Variants in ATP2C1 observed in about 807,000 individuals in gnomAD.
ATP2C1 encodes calcium-transporting ATPase type 2C member 1.
Under a neutral mutation model 120.5 loss-of-function variants are expected in ATP2C1, and 31 were observed. The observed-to-expected ratio is 0.26, with a 90% CI of 0.19 to 0.35. The LOEUF (loss-of-function observed/expected upper bound fraction) is 0.35. Ranked by LOEUF, ATP2C1 falls within the 10% of genes least tolerant of loss-of-function variation. ATP2C1 has a pLI of 1.00. For missense variants in ATP2C1, 731 were observed against 1,107.5 expected (o/e 0.66, Z 4.83); for synonymous variants, 351 against 358.7 (o/e 0.98, Z 0.24).
chr3:130,948,953 G>A (rs1403181552), intron 8 of ATP2C1, among the ~76,000 whole-genome samples: 2 of 152,112 alleles, frequency 1.3e-5, no homozygotes, highest in Non-Finnish European at 2.9e-5. Context: ...ATGAGTAAAT[G>A]TTGCGTGTTT....
chr3:130,883,931 CTTTT>C (rs1553747708), intron 1 of ATP2C1, among the ~76,000 whole-genome samples: 2 of 135,750 alleles, frequency 1.5e-5, no homozygotes, highest in Admixed American at 1.6e-4. Flanking sequence ...TTCTTTCTTT[CTTTT>C]TCTTTTCTTC....
chr3:130,932,995 A>T (rs548121164), intron 4 of ATP2C1, among the ~76,000 whole-genome samples: 2 of 152,286 alleles, frequency 1.3e-5, no homozygotes, highest in East Asian at 3.9e-4. Context: ...TATTATTTAT[A>T]TGTGTCTTTG....
At chr3:130,998,935 C>T (rs1002594574) in intron 26 of ATP2C1, among the ~76,000 whole-genome samples, 1 of 152,096 alleles carries the variant, frequency 6.6e-6, no homozygotes, top group African/African-American at 2.4e-5. Context: ...TTTTTTAGAG[C>T]ATATTGTCCT....
At chr3:130,915,843 G>T (rs1419064840) in intron 2 of ATP2C1, among the ~76,000 whole-genome samples, 1 of 152,182 alleles carries the variant, frequency 6.6e-6, no homozygotes, top group Non-Finnish European at 1.5e-5. Flanking sequence ...CACTTCAGTA[G>T]TGTGGTTTTA....
chr3:130,963,807 G>A, intron 12 of ATP2C1, 164 bp from the exon 13 acceptor site: 2 of 766,962 alleles, frequency 2.6e-6, no homozygotes, highest in South Asian at 1.7e-5. Flanking sequence ...CAGCTACTAG[G>A]TATCCAGTAA....
chr3:130,872,587 CT>C (rs565024538), intron 1 of ATP2C1, among the ~76,000 whole-genome samples: 380 of 140,538 alleles, frequency 2.7e-3, no homozygotes, highest in Non-Finnish European at 2.8e-3. Context: ...CTTTTCTTTT[CT>C]TTTTTTTTTT....
At position 131,003,082 on chromosome 3, in the gene ATP2C1, A is replaced by C. The variant is rs1232349312; in HGVS notation, c.*1732A>C. 1 of 985,262 alleles carries C rather than the reference A, an allele frequency of 1.0e-6. No individual in the cohort carries two copies. The highest frequency in any genetic ancestry group is 1.7e-5 in the African/African-American group (1 of 57,238). The allele number at this position is 985,262 out of a possible 1,614,324, so 61.0% of individuals were successfully genotyped here. On this transcript the variant is annotated 3_prime_UTR_variant, in exon 28 of 28. Coordinates refer to ENST00000510168, the MANE Select transcript of ATP2C1 (RefSeq NM_001378687.1). The stretch of plus-strand genomic sequence containing the variant: ...CATTTTAGGTTCAGATTATGACTTG[A>C]TTGAAATAAATGTGCCTATACATTC...
chr3:131,014,278 G>A (rs754910692), intron 26 of ATP2C1: 1 of 1,613,996 alleles, frequency 6.2e-7, no homozygotes, highest in Non-Finnish European at 8.5e-7. Context: ...GCATTGAATA[G>A]ATATTCATAA....
chr3:130,901,281 T>C (rs551700005), intron 2 of ATP2C1, among the ~76,000 whole-genome samples: 5 of 152,216 alleles, frequency 3.3e-5, no homozygotes, highest in African/African-American at 7.2e-5. Flanking sequence ...GATGTGGTCA[T>C]TGGGGACTGC....
chr3:130,860,482 C>G lies in ATP2C1; in HGVS notation c.108+9554C>G, dbSNP rs116350451. ...AAATATTTTAAATTTGTATTAAATG[C>G]CTTATATGTGTCAGGCACTTGACAA... On this transcript the variant is annotated intron_variant, in intron 1 of 26. Coordinates refer to the ATP2C1 transcript ENST00000504381. 7.0e-4 allele frequency among the ~76,000 whole-genome samples: 106 copies of G among 152,262 alleles called. 1 individual carries two copies. Among genetic ancestry groups the G allele is most frequent in the African/African-American group, 2.4e-3 (101 of 41,554 alleles).
chr3:130,940,365 T>A (rs2059840989), intron 6 of ATP2C1, among the ~76,000 whole-genome samples: 1 of 152,236 alleles, frequency 6.6e-6, no homozygotes, highest in South Asian at 2.1e-4. Context: ...GACATACTAG[T>A]CAGTTTTCAT....
intron 5 of ATP2C1, among the ~76,000 whole-genome samples, chr3:130,935,314 A>G (rs747071187): frequency 6.6e-6 from 1 of 152,224 alleles, no homozygotes; most frequent in African/African-American, 2.4e-5. Flanking sequence ...GTTGTGAACT[A>G]AAGCCTGACA....
In ATP2C1 at chr3:131,016,372, C is replaced by T; in HGVS notation, c.*183C>T. On this transcript the variant is annotated 3_prime_UTR_variant, in exon 27 of 27. Coordinates refer to the ATP2C1 transcript ENST00000328560. ...AAGAAACAGCCCAAGGGCAGTATTT[C>T]TAAAAGCACTGTAACAGCTTTTCAT... is the stretch of plus-strand genomic sequence containing the variant. The T allele has an allele frequency of 1.9e-6, 3 of 1,610,942 alleles. No homozygotes were observed. In the African/African-American group the frequency reaches 4.0e-5, roughly 21 times the overall value.
intron 12 of ATP2C1, among the ~76,000 whole-genome samples, chr3:130,960,920 AAAAG>A (rs1398278924): frequency 6.6e-6 from 1 of 152,196 alleles, no homozygotes; most frequent in Non-Finnish European, 1.5e-5. Context: ...GCATCTAAGA[AAAAG>A]AAATCCTGGT....
chr3:131,013,123 T>TA (rs1376958258), intron 26 of ATP2C1, among the ~76,000 whole-genome samples: 25 of 152,348 alleles, frequency 1.6e-4, no homozygotes, highest in South Asian at 8.3e-4. Context: ...TACTTGGTTC[T>TA]CTTTATTTTC....
At chr3:130,877,958 A>C (rs1183032097) in intron 1 of ATP2C1, among the ~76,000 whole-genome samples, 1 of 152,156 alleles carries the variant, frequency 6.6e-6, no homozygotes, top group Non-Finnish European at 1.5e-5. Flanking sequence ...TTATGTAGCC[A>C]TAAAAAAGGA....
intron 11 of ATP2C1, among the ~76,000 whole-genome samples, chr3:130,957,495 A>G (rs752664549): frequency 2.0e-5 from 3 of 151,978 alleles, no homozygotes; most frequent in Non-Finnish European, 4.4e-5. Context: ...TTCTCCTTTA[A>G]TTTTCTTACC....
At chr3:130,953,784 A>G (rs1304789159) in intron 8 of ATP2C1, 37 bp from the exon 9 acceptor site, 1 of 1,612,464 alleles carries the variant, frequency 6.2e-7, no homozygotes, top group Admixed American at 1.7e-5. Flanking sequence ...TAAATGTAGC[A>G]CAAAATTTGA....
At chr3:130,996,581 A>G in intron 23 of ATP2C1, 99 bp from the exon 24 acceptor site, 1 of 843,040 alleles carries the variant, frequency 1.2e-6, no homozygotes, top group Non-Finnish European at 2.1e-6. Context: ...TTCCTTTAAA[A>G]GCATAGTAGT....
Sources: allele counts gnomAD v4.1 joint callset (sites outside exome capture counted in the v4.1 genomes callset), GRCh38; gene constraint gnomAD v4.1.1; transcripts MANE v1.5; gene names NCBI Gene and HGNC (gene_info 2026-07-23, HGNC 2026-07-21).